The following SLC4A10 variants were observed in gnomAD, a reference collection of about 807,000 sequenced individuals.
SLC4A10 encodes the protein solute carrier family 4 member 10.
Under a neutral mutation model 137.7 loss-of-function variants are expected in SLC4A10, and 42 were observed. The observed-to-expected ratio is 0.30, with a 90% CI of 0.24 to 0.39. SLC4A10 has a LOEUF of 0.39. Among genes scored for constraint, SLC4A10 ranks in the 10% least tolerant of loss-of-function variants. The pLI is 1.00. For missense variants in SLC4A10, 925 were observed against 1,355.0 expected (o/e 0.68, Z 4.98); for synonymous variants, 474 against 464.1 (o/e 1.02, Z -0.27).
intron 4 of SLC4A10, among the ~76,000 whole-genome samples, chr2:161,851,981 C>T (rs1201851417): frequency 6.6e-6 from 1 of 152,186 alleles, no homozygotes; most frequent in East Asian, 1.9e-4. Context: ...CCTCGATCTC[C>T]TGGGCTCAAG....
intron 3 of SLC4A10, among the ~76,000 whole-genome samples, chr2:161,816,750 A>G (rs536086733): frequency 2.7e-5 from 4 of 150,808 alleles, no homozygotes; most frequent in African/African-American, 9.7e-5. Context: ...TGTCCTTGCA[A>G]TAGTTTGCTG....
At chr2:161,690,550 C>G (rs998782492) in intron 1 of SLC4A10, among the ~76,000 whole-genome samples, 3 of 152,052 alleles carry the variant, frequency 2.0e-5, no homozygotes, top group African/African-American at 7.2e-5. Context: ...ACCCAAATGC[C>G]CATCAATAAT....
intron 23 of SLC4A10, among the ~76,000 whole-genome samples, chr2:161,967,972 G>T (rs1575909103): frequency 6.8e-6 from 1 of 147,744 alleles, no homozygotes; most frequent in African/African-American, 2.5e-5. Context: ...TACTGCTTCT[G>T]GAAAAAAAAA....
intron 18 of SLC4A10, among the ~76,000 whole-genome samples, chr2:161,950,213 A>G (rs1260400375): frequency 1.3e-5 from 2 of 152,154 alleles, no homozygotes; most frequent in East Asian, 3.9e-4. Flanking sequence ...CTAAACTGAA[A>G]GAAGCCTCTG....
chr2:161,636,848 C>A (rs1457585062), intron 1 of SLC4A10, among the ~76,000 whole-genome samples: 1 of 151,444 alleles, frequency 6.6e-6, no homozygotes, highest in Admixed American at 6.6e-5. Context: ...CACTACCATG[C>A]CTGTCTAATT....
chr2:161,733,314 C>T (rs564017631), intron 1 of SLC4A10, among the ~76,000 whole-genome samples: 37 of 152,306 alleles, frequency 2.4e-4, no homozygotes, highest in Admixed American at 1.8e-3. Flanking sequence ...TCATGCCCTG[C>T]GTTCCAGCCA....
chr2:161,974,365 G>A (rs1310190238), intron 24 of SLC4A10, 49 bp downstream of exon 24: 2 of 1,406,206 alleles, frequency 1.4e-6, no homozygotes, highest in Admixed American at 4.4e-5. Context: ...GAAATGCATT[G>A]TTATATACTT....
At position 161,624,615 on chromosome 2, in the gene SLC4A10, C is replaced by T. The variant is rs771718536; in HGVS notation, c.48+49C>T. 1.2e-5 allele frequency: 19 copies of T among 1,550,682 alleles called. No homozygotes were observed. In the Middle Eastern group the frequency reaches 5.0e-4, roughly 41 times the overall value. ...TAGATTAACCGCGTTTGCTGCAAAA[C>T]CTGTTAGGCAAGCGGTCTGCTAGCT... is the stretch of plus-strand genomic sequence containing the variant. On this transcript the variant is annotated intron_variant, in intron 1 of 26. Transcript: ENST00000446997.
chr2:161,870,668 G>T (rs2061062795), intron 6 of SLC4A10, among the ~76,000 whole-genome samples: 1 of 151,758 alleles, frequency 6.6e-6, no homozygotes. Context: ...TTATTATTTT[G>T]AGAATGGTAA....
Position 161,903,990 on chromosome 2 carries a change from C to A in SLC4A10, c.1443-14C>A. 6.4e-7 allele frequency: 1 copy of A among 1,550,724 alleles called. No homozygotes were observed. The highest frequency in any genetic ancestry group is 2.0e-5 in the Admixed American group (1 of 50,126). On this transcript the variant is annotated splice_polypyrimidine_tract_variant and intron_variant, in intron 12 of 26. Transcript: ENST00000446997. ...TATTTGGGTTTCACTATTGTGTTTT[C>A]CCCCCTGTCTTAGGATTTTTGGGGG...
chr2:161,816,527 G>A (rs141359923), intron 3 of SLC4A10, among the ~76,000 whole-genome samples: 1 of 151,844 alleles, frequency 6.6e-6, no homozygotes, highest in African/African-American at 2.4e-5. Context: ...TGTGGACAAC[G>A]TGCAGGTTTC....
intron 1 of SLC4A10, among the ~76,000 whole-genome samples, chr2:161,686,298 A>G (rs2041398596): frequency 6.6e-6 from 1 of 152,208 alleles, no homozygotes; most frequent in Admixed American, 6.5e-5. Flanking sequence ...AGAACAAGCA[A>G]TTCTCAGTGG....
intron 2 of SLC4A10, among the ~76,000 whole-genome samples, chr2:161,782,955 C>A (rs1221567976): frequency 6.6e-6 from 1 of 151,518 alleles, no homozygotes; most frequent in African/African-American, 2.4e-5. Flanking sequence ...TAGCTAAAAA[C>A]TCCCAAGTAT....
intron 3 of SLC4A10, among the ~76,000 whole-genome samples, chr2:161,817,332 T>G (rs2057184156): frequency 6.6e-6 from 1 of 152,168 alleles, no homozygotes; most frequent in Admixed American, 6.5e-5. Flanking sequence ...GGACTGTTTG[T>G]TTTTTTCTTG....
chr2:161,661,814 G>T (rs1288528873), intron 1 of SLC4A10, among the ~76,000 whole-genome samples: 1 of 152,028 alleles, frequency 6.6e-6, no homozygotes, highest in Non-Finnish European at 1.5e-5. Context: ...TAAAAGTGAT[G>T]AAACTTAAGA....
intron 1 of SLC4A10, among the ~76,000 whole-genome samples, chr2:161,669,840 A>T (rs2039488742): frequency 6.6e-6 from 1 of 152,036 alleles, no homozygotes; most frequent in African/African-American, 2.4e-5. Context: ...GACACAGTAA[A>T]ACTGAATAGA....
chr2:161,975,172 A>C (rs918938095), intron 24 of SLC4A10, among the ~76,000 whole-genome samples: 5 of 152,158 alleles, frequency 3.3e-5, no homozygotes, highest in Admixed American at 3.3e-4. Context: ...CCCTCTTAAG[A>C]GGGGGCACAA....
chr2:161,849,772 G>C (rs1358703031), intron 4 of SLC4A10, among the ~76,000 whole-genome samples: 1 of 152,054 alleles, frequency 6.6e-6, no homozygotes, highest in Admixed American at 6.6e-5. Flanking sequence ...TGGTGGATTA[G>C]CTTTTTGATG....
chr2:161,812,470 G>A (rs1392400844), intron 3 of SLC4A10, among the ~76,000 whole-genome samples: 1 of 151,842 alleles, frequency 6.6e-6, no homozygotes, highest in Non-Finnish European at 1.5e-5. Context: ...CTATCACGCA[G>A]GTAGTGAGCA....
Sources: allele counts gnomAD v4.1 joint callset (sites outside exome capture counted in the v4.1 genomes callset), GRCh38; gene constraint gnomAD v4.1.1; transcripts MANE v1.5; gene names NCBI Gene and HGNC (gene_info 2026-07-23, HGNC 2026-07-21).